Variants in ZNF365 observed in about 807,000 individuals in gnomAD.
ZNF365 encodes the protein protein ZNF365.
In ZNF365, 22 loss-of-function variants were observed where a neutral mutation model predicts 35.0. The observed-to-expected ratio is 0.63, with a 90% confidence interval of 0.45 to 0.90. The LOEUF is 0.90. ZNF365 is among the 40% of genes least tolerant of loss of function. ZNF365 has a pLI of 0.00. For synonymous variants in ZNF365, 188 were observed against 196.2 expected, an observed-to-expected ratio of 0.96 and a Z score of 0.35; for missense variants, 448 against 500.3, an observed-to-expected ratio of 0.90 and a Z score of 1.00.
chr10:62,459,921 T>G, intron 4 of ZNF365: 1 of 785,582 alleles, frequency 1.3e-6, no homozygotes, highest in Non-Finnish European at 2.1e-6. Flanking sequence ...AAAACACACA[T>G]TTTCACATTC....
chr10:62,476,121 T>C (rs1198705036), intron 4 of ZNF365, among the ~76,000 whole-genome samples: 1 of 151,842 alleles, frequency 6.6e-6, no homozygotes, highest in Non-Finnish European at 1.5e-5. Context: ...TGGGGAAGGG[T>C]TTCTATGGCC....
At chr10:62,416,549 G>A (rs904630728) in intron 3 of ZNF365, among the ~76,000 whole-genome samples, 1 of 152,098 alleles carries the variant, frequency 6.6e-6, no homozygotes, top group East Asian at 1.9e-4. Flanking sequence ...TGTTTGAAAG[G>A]TCATGGATCC....
intron 2 of ZNF365, among the ~76,000 whole-genome samples, chr10:62,387,597 T>G (rs1312807182): frequency 6.6e-6 from 1 of 152,202 alleles, no homozygotes; most frequent in Non-Finnish European, 1.5e-5. Flanking sequence ...AGTATTTTGC[T>G]CAGCTTCTTA....
Position 62,400,355 on chromosome 10 carries a change from C to G in ZNF365, c.*566C>G, listed in dbSNP as rs57005390. 415 of 986,400 alleles carry G rather than the reference C, an allele frequency of 4.2e-4. No homozygotes were observed. In the African/African-American group the frequency reaches 5.3e-3, roughly 13 times the overall value. 61.1% of individuals were successfully genotyped at this position (986,400 alleles called of 1,614,324 possible). On this transcript the variant is annotated 3_prime_UTR_variant, in exon 5 of 5. Transcript: ENST00000395254. The stretch of plus-strand genomic sequence containing the variant: ...TTCAATTTCTGGGTTGCTCAAGGGA[C>G]TCGTTCAGTCAGACTTCAGTTCTCA...
intron 3 of ZNF365, among the ~76,000 whole-genome samples, chr10:62,407,598 T>C (rs1220321903): frequency 6.8e-6 from 1 of 146,732 alleles, no homozygotes; most frequent in Non-Finnish European, 1.5e-5. Context: ...TCCTCTCCTC[T>C]CCTCTCCTCA....
intron 3 of ZNF365, among the ~76,000 whole-genome samples, chr10:62,412,016 A>G (rs945506182): frequency 1.3e-5 from 2 of 152,210 alleles, no homozygotes; most frequent in Middle Eastern, 3.4e-3. Context: ...TCCCTGATGA[A>G]CATTAATGCA....
intron 2 of ZNF365, among the ~76,000 whole-genome samples, chr10:62,385,878 C>A (rs10821987): frequency 4.0e-5 from 6 of 151,686 alleles, no homozygotes; most frequent in African/African-American, 1.5e-4. Context: ...AAATATTGAC[C>A]GAAATGAATT....
intron 3 of ZNF365, among the ~76,000 whole-genome samples, chr10:62,428,870 G>A (rs1840291565): frequency 1.3e-5 from 2 of 152,212 alleles, no homozygotes; most frequent in African/African-American, 4.8e-5. Flanking sequence ...GCTTGGGAGA[G>A]GGGAGAAGTG....
downstream of ZNF365, among the ~76,000 whole-genome samples, chr10:62,405,758 T>C (rs117210184): frequency 2.0e-5 from 3 of 152,350 alleles, no homozygotes; most frequent in Non-Finnish European, 4.4e-5. Context: ...ACATTTCACA[T>C]TGGTTGTTTG....
At chr10:62,479,530 ATCATCTGAACCAGG>A (rs1389799350) in intron 4 of ZNF365, among the ~76,000 whole-genome samples, 1 of 152,228 alleles carries the variant, frequency 6.6e-6, no homozygotes, top group African/African-American at 2.4e-5. Flanking sequence ...TATATAACTT[ATCATCTGAACCAGG>A]ACACTCTTGA....
intron 3 of ZNF365, among the ~76,000 whole-genome samples, chr10:62,458,497 C>CACACAT (rs59462069): frequency 1.9e-4 from 27 of 141,328 alleles, no homozygotes; most frequent in East Asian, 8.4e-4. Context: ...CACACACACA[C>CACACAT]ATATATATAT....
At chr10:62,416,750 C>A (rs1239099748) in intron 3 of ZNF365, among the ~76,000 whole-genome samples, 3 of 151,922 alleles carry the variant, frequency 2.0e-5, no homozygotes, top group Non-Finnish European at 2.9e-5. Flanking sequence ...GGAATATTAG[C>A]CTTATACTTA....
rs575570257 is a variant in ZNF365 at position 62,433,473 on chromosome 10, C to T, written c.925-26268C>T. 5.3e-5 allele frequency among the ~76,000 whole-genome samples: 8 copies of T among 152,292 alleles called. No homozygotes were observed. The East Asian group carries it at 1.5e-3, about 29-fold the overall frequency. On this transcript the variant is annotated intron_variant, in intron 3 of 4. Coordinates refer to the ZNF365 transcript ENST00000395255. ...TCTTAGGAAAACCACACAAATTGCT[C>T]ATGCACAGATGGACTGCATTAGTGA...
intron 3 of ZNF365, among the ~76,000 whole-genome samples, chr10:62,431,775 A>G (rs1024764387): frequency 6.6e-6 from 1 of 152,218 alleles, no homozygotes; most frequent in African/African-American, 2.4e-5. Flanking sequence ...TTTCCTAAAA[A>G]CAGCCATCTG....
rs922320461 is a variant in ZNF365, at chr10:62,429,938, G to A, written c.925-29803G>A. ...TAAAATTATCCCAAATACCAGAAAC[G>A]GTGACAGTTAACATAAAAATAATAA... On this transcript the variant is annotated intron_variant, in intron 3 of 4. Transcript: ENST00000395255. Among the ~76,000 whole-genome samples, 6 of 152,180 alleles carry A rather than the reference G, an allele frequency of 3.9e-5. No homozygotes were observed. In the East Asian group the frequency reaches 1.2e-3, roughly 29 times the overall value.
intron 3 of ZNF365, among the ~76,000 whole-genome samples, chr10:62,426,028 T>A (rs1300898030): frequency 6.6e-6 from 1 of 152,164 alleles, no homozygotes; most frequent in African/African-American, 2.4e-5. Context: ...CAATAATCAG[T>A]CAAAATGTTT....
chr10:62,414,077 G>C (rs1011600218), intron 3 of ZNF365, among the ~76,000 whole-genome samples: 1 of 152,082 alleles, frequency 6.6e-6, no homozygotes, highest in African/African-American at 2.4e-5. Context: ...TAGTTTATTG[G>C]ATATAATAGA....
intron 3 of ZNF365, among the ~76,000 whole-genome samples, chr10:62,433,661 G>GT (rs1307040276): frequency 6.6e-6 from 1 of 152,140 alleles, no homozygotes; most frequent in African/African-American, 2.4e-5. Flanking sequence ...TCCAAGTCAG[G>GT]TTGAGAGCAT....
chr10:62,417,833 G>C lies in ZNF365; in HGVS notation c.924+29257G>C, dbSNP rs12572562. ...GTAACAAATTTGCTTTTCTTAAAAA[G>C]ACTGACTTTTTGTGTGAAAGGGAAA... is the stretch of plus-strand genomic sequence containing the variant. On this transcript the variant is annotated intron_variant, in intron 3 of 4. Coordinates refer to the ZNF365 transcript ENST00000395255. Among the ~76,000 whole-genome samples the C allele has an allele frequency of 5.2e-3, 782 of 151,836 alleles. 6 individuals carry two copies. The highest frequency in any genetic ancestry group is 0.028 in the East Asian group (144 of 5,184).
Sources: gnomAD v4.1 joint callset for allele counts (sites outside exome capture counted in the v4.1 genomes callset) on GRCh38, gnomAD v4.1.1 for gene constraint, MANE v1.5 for transcripts, NCBI Gene and HGNC (gene_info 2026-07-23, HGNC 2026-07-21) for gene names.